ADGRL3: variants seen among roughly 807,000 people sequenced by gnomAD.
ADGRL3 encodes adhesion G protein-coupled receptor L3.
ADGRL3 carries 62 observed loss-of-function variants against 153.5 expected under a neutral mutation model. The observed-to-expected ratio is 0.40, with a 90% CI of 0.33 to 0.50. The LOEUF (loss-of-function observed/expected upper bound fraction) is 0.50, where lower values mean the gene tolerates loss of function less well. Ranked by LOEUF, ADGRL3 falls within the 20% of genes least tolerant of loss-of-function variation. The pLI is 0.47. For missense variants in ADGRL3, 1,641 were observed against 1,859.4 expected (o/e 0.88, Z 2.16); for synonymous variants, 710 against 672.5 (o/e 1.06, Z -0.86).
At chr4:61,248,839 T>C (rs1391541653) in intron 1 of ADGRL3, among the ~76,000 whole-genome samples, 4 of 152,306 alleles carry the variant, frequency 2.6e-5, no homozygotes, top group Middle Eastern at 3.4e-3. Flanking sequence ...AGTGTCTAAA[T>C]CTGCTTTAGG....
intron 4 of ADGRL3, among the ~76,000 whole-genome samples, chr4:61,585,179 G>T (rs917297934): frequency 6.6e-6 from 1 of 151,832 alleles, no homozygotes; most frequent in South Asian, 2.1e-4. Flanking sequence ...GAGAGAGAGA[G>T]AAATAAAATG....
intron 1 of ADGRL3, among the ~76,000 whole-genome samples, chr4:61,373,833 T>G (rs2151786377): frequency 6.6e-6 from 1 of 152,310 alleles, no homozygotes; most frequent in South Asian, 2.1e-4. Context: ...GAACCTTATT[T>G]GAAAGGATGA....
At chr4:61,736,991 A>G (rs373009463) in intron 8 of ADGRL3, among the ~76,000 whole-genome samples, 3 of 152,170 alleles carry the variant, frequency 2.0e-5, no homozygotes, top group Non-Finnish European at 4.4e-5. Context: ...GAAAATTTCA[A>G]TTAACGTTAA....
At chr4:61,421,287 G>T (rs1393608546) in intron 2 of ADGRL3, among the ~76,000 whole-genome samples, 5 of 151,814 alleles carry the variant, frequency 3.3e-5, no homozygotes, top group African/African-American at 1.2e-4. Context: ...TGAGCCAAGA[G>T]CACGCCACTG....
chr4:61,283,892 C>G (rs2093821523), intron 1 of ADGRL3, among the ~76,000 whole-genome samples: 1 of 151,970 alleles, frequency 6.6e-6, no homozygotes. Context: ...AAGTCCCTAT[C>G]TCTCTTTACA....
At chr4:61,973,775 A>G (rs542238685) in intron 17 of ADGRL3, among the ~76,000 whole-genome samples, 4 of 152,222 alleles carry the variant, frequency 2.6e-5, no homozygotes, top group African/African-American at 9.6e-5. Context: ...AAAATTTTTT[A>G]GTGTCATCTT....
At chr4:61,694,225 C>T (rs1308899902) in intron 6 of ADGRL3, among the ~76,000 whole-genome samples, 3 of 58,094 alleles carry the variant, frequency 5.2e-5, no homozygotes, top group South Asian at 5.4e-4. Flanking sequence ...TTTTTAGAGG[C>T]AGGATCTTGC....
At chr4:62,065,034 T>C (rs113289473) in intron 25 of ADGRL3, among the ~76,000 whole-genome samples, 4 of 152,136 alleles carry the variant, frequency 2.6e-5, no homozygotes, top group Admixed American at 2.0e-4. Context: ...TTCTGTCAGC[T>C]TGTGCTTAAG....
chr4:61,477,849 C>T (rs2098084224), intron 2 of ADGRL3, among the ~76,000 whole-genome samples: 1 of 151,892 alleles, frequency 6.6e-6, no homozygotes. Flanking sequence ...AAATATGTAT[C>T]TTTTTTACTA....
intron 21 of ADGRL3, among the ~76,000 whole-genome samples, chr4:62,008,201 T>C (rs1024275559): frequency 6.6e-6 from 1 of 152,166 alleles, no homozygotes; most frequent in Non-Finnish European, 1.5e-5. Flanking sequence ...AATGTAGTAG[T>C]GGACAGAGAT....
chr4:61,851,100 T>C (rs115051379), intron 9 of ADGRL3, among the ~76,000 whole-genome samples: 2 of 152,304 alleles, frequency 1.3e-5, no homozygotes, highest in African/African-American at 4.8e-5. Flanking sequence ...AATTTTATTT[T>C]TCTATCTACT....
At chr4:61,473,144 C>T (rs1365574595) in intron 2 of ADGRL3, among the ~76,000 whole-genome samples, 1 of 151,668 alleles carries the variant, frequency 6.6e-6, no homozygotes, top group African/African-American at 2.4e-5. Flanking sequence ...ATACAGCCAA[C>T]AGTCATTGGT....
intron 5 of ADGRL3, among the ~76,000 whole-genome samples, chr4:61,619,454 A>T (rs964670493): frequency 1.3e-5 from 2 of 152,034 alleles, no homozygotes; most frequent in Non-Finnish European, 2.9e-5. Flanking sequence ...CTCAGCACAG[A>T]CATTTGAAAT....
intron 2 of ADGRL3, among the ~76,000 whole-genome samples, chr4:61,457,234 CTT>C (rs1275404892): frequency 6.6e-6 from 1 of 151,874 alleles, no homozygotes; most frequent in African/African-American, 2.4e-5. Flanking sequence ...AGTTTAAAAA[CTT>C]ATTTCACATA....
intron 2 of ADGRL3, among the ~76,000 whole-genome samples, chr4:61,418,155 T>A (rs2097164867): frequency 6.6e-6 from 1 of 152,226 alleles, no homozygotes; most frequent in Non-Finnish European, 1.5e-5. Context: ...ACATTTCATG[T>A]AAGATTGCTA....
At chr4:61,929,992 G>A (rs1176940140) in intron 13 of ADGRL3, among the ~76,000 whole-genome samples, 1 of 152,020 alleles carries the variant, frequency 6.6e-6, no homozygotes, top group Non-Finnish European at 1.5e-5. Flanking sequence ...TGGCTAACAC[G>A]GTGAAACCCT....
chr4:62,037,930 A>G, intron 24 of ADGRL3, 74 bp downstream of exon 24: 1 of 1,541,534 alleles, frequency 6.5e-7, no homozygotes, highest in Non-Finnish European at 8.9e-7. Context: ...ATTGGAGCTA[A>G]TTTCTAGCCT....
intron 6 of ADGRL3, among the ~76,000 whole-genome samples, chr4:61,713,390 T>TG (rs1222755418): frequency 3.7e-4 from 57 of 152,164 alleles, no homozygotes; most frequent in East Asian, 2.1e-3. Context: ...TGCCTAGTGT[T>TG]CACCAAAGCA....
intron 1 of ADGRL3, among the ~76,000 whole-genome samples, chr4:61,267,966 G>A (rs970089148): frequency 4.0e-5 from 6 of 151,556 alleles, no homozygotes; most frequent in Non-Finnish European, 8.9e-5. Context: ...TGGAAGTATA[G>A]GAGCAGGCTT....
Sources: gnomAD v4.1 joint callset for allele counts (sites outside exome capture counted in the v4.1 genomes callset) on GRCh38, gnomAD v4.1.1 for gene constraint, MANE v1.5 for transcripts, NCBI Gene and HGNC (gene_info 2026-07-23, HGNC 2026-07-21) for gene names.